GPHN: variants seen among roughly 807,000 people sequenced by gnomAD.
The protein encoded by GPHN is gephyrin.
GPHN carries 17 observed loss-of-function variants against 95.5 expected under a neutral mutation model. The observed-to-expected ratio is 0.18, with a 90% confidence interval of 0.12 to 0.27. The LOEUF (loss-of-function observed/expected upper bound fraction) is 0.27. Among genes scored for constraint, GPHN ranks in the 10% least tolerant of loss-of-function variants. GPHN has a pLI of 1.00. For synonymous variants in GPHN, 320 were observed against 322.5 expected (o/e 0.99, Z 0.08); for missense variants, 660 against 978.1 (o/e 0.67, Z 4.34).
the GPHN span, among the ~76,000 whole-genome samples, chr14:67,459,669 A>G: frequency 5.3e-5 from 8 of 152,244 alleles, no homozygotes; most frequent in Admixed American, 2.6e-4. Flanking sequence ...GGTCAGAGAC[A>G]TCACTTGGGC....
chr14:66,570,295 CTT>C (rs535461102), intron 1 of GPHN, among the ~76,000 whole-genome samples: 1,879 of 100,064 alleles, frequency 0.019, 15 homozygotes, highest in African/African-American at 0.021. Flanking sequence ...ATTTCATGTA[CTT>C]TTTTTTTTTT....
chr14:66,715,645 T>C (rs1183781768), intron 2 of GPHN, among the ~76,000 whole-genome samples: 1 of 152,170 alleles, frequency 6.6e-6, no homozygotes, highest in African/African-American at 2.4e-5. Flanking sequence ...TAGCACTGCC[T>C]TTGCTGTATT....
rs1485377044 is a variant in GPHN, at chr14:66,887,903, A to G, written c.389+7870A>G. Among the ~76,000 whole-genome samples the G allele has an allele frequency of 2.6e-5, 4 of 152,154 alleles. No homozygotes were observed. The East Asian group carries it at 7.7e-4, about 29-fold the overall frequency. On this transcript the variant is annotated intron_variant, in intron 5 of 22. Coordinates refer to ENST00000478722, the MANE Select transcript of GPHN (RefSeq NM_020806.5). ...TGGATAATGTAATCAAAGACATGAA[A>G]CTCCTAAGAACCAAAAATAAATGCT...
the GPHN span, among the ~76,000 whole-genome samples, chr14:67,667,920 G>A: frequency 1.3e-5 from 2 of 151,892 alleles, no homozygotes; most frequent in Admixed American, 6.6e-5. Flanking sequence ...CTCCAGCCTG[G>A]GTGAAAGAGC....
At chr14:67,160,675 T>C in intron 19 of GPHN, among the ~76,000 whole-genome samples, 1 of 152,168 alleles carries the variant, frequency 6.6e-6, no homozygotes, top group Non-Finnish European at 1.5e-5. Context: ...GGGACAACAG[T>C]AATGATGCTT....
At chr14:66,539,473 G>A (rs1196695507) in intron 1 of GPHN, among the ~76,000 whole-genome samples, 2 of 136,280 alleles carry the variant, frequency 1.5e-5, no homozygotes, top group African/African-American at 2.9e-5. Context: ...GGAGTGCAAT[G>A]GCGTGATCTC....
the GPHN span, chr14:67,204,637 T>C: frequency 6.2e-7 from 1 of 1,613,918 alleles, no homozygotes; most frequent in Non-Finnish European, 8.5e-7. Context: ...CTTACAGCTC[T>C]GCACCTCTGC....
intron 1 of GPHN, among the ~76,000 whole-genome samples, chr14:66,549,185 T>G (rs1188136289): frequency 6.6e-6 from 1 of 152,196 alleles, no homozygotes; most frequent in Non-Finnish European, 1.5e-5. Flanking sequence ...TATTTTAGTT[T>G]TGGGGTACAT....
At chr14:67,483,559 G>T in the GPHN span, among the ~76,000 whole-genome samples, 13 of 152,254 alleles carry the variant, frequency 8.5e-5, no homozygotes, top group Admixed American at 8.5e-4. Context: ...CCAACTGGGT[G>T]TCAGAGTTCC....
At chr14:67,466,994 C>CAAAAAA in the GPHN span, 4 of 72,866 alleles carry the variant, frequency 5.5e-5, no homozygotes, top group Non-Finnish European at 7.7e-5. Context: ...GACCCAATCT[C>CAAAAAA]AAAAAAAAAA....
At chr14:67,529,894 C>T in the GPHN span, among the ~76,000 whole-genome samples, 1 of 152,198 alleles carries the variant, frequency 6.6e-6, no homozygotes, top group African/African-American at 2.4e-5. Flanking sequence ...CCCTCTCTTC[C>T]CCTTCCAACA....
the GPHN span, chr14:67,619,830 C>T: frequency 3.5e-6 from 2 of 572,248 alleles, no homozygotes; most frequent in South Asian, 2.1e-5. Context: ...TGGTTGGAGG[C>T]GCGGGCGGCG....
rs80078079 is a variant in GPHN, at chr14:66,735,313, T to C, written c.144-41151T>C. ...TACCTTTGATGATGTCACATCTTTA[T>C]GAAGCTGGGTTTTGCACAGTTAACT... On this transcript the variant is annotated intron_variant, in intron 2 of 22. Coordinates refer to ENST00000478722, the MANE Select transcript of GPHN (RefSeq NM_020806.5). Among the ~76,000 whole-genome samples the C allele has an allele frequency of 7.2e-4, 110 of 152,272 alleles. 1 individual carries two copies. The East Asian group carries it at 0.02, about 27-fold the overall frequency.
chr14:67,446,361 G>C, the GPHN span, among the ~76,000 whole-genome samples: 1 of 152,182 alleles, frequency 6.6e-6, no homozygotes, highest in Non-Finnish European at 1.5e-5. Flanking sequence ...TCATCTCATT[G>C]AATAACTATG....
chr14:66,810,907 T>TA (rs1404376896), intron 3 of GPHN, among the ~76,000 whole-genome samples: 1 of 152,232 alleles, frequency 6.6e-6, no homozygotes, highest in Non-Finnish European at 1.5e-5. Context: ...CCTTTTCTGT[T>TA]ACCTCTGCTT....
intron 1 of GPHN, among the ~76,000 whole-genome samples, chr14:66,635,239 A>C (rs2064033641): frequency 6.6e-6 from 1 of 152,216 alleles, no homozygotes; most frequent in Non-Finnish European, 1.5e-5. Flanking sequence ...CTTAGATGTT[A>C]CACTGCCACA....
At chr14:66,951,561 T>C (rs2068112588) in intron 8 of GPHN, among the ~76,000 whole-genome samples, 1 of 150,206 alleles carries the variant, frequency 6.7e-6, no homozygotes, top group East Asian at 1.9e-4. Context: ...GCAAGCTGCT[T>C]CTAAAATTTA....
At chr14:66,826,219 T>A (rs10148975) in intron 4 of GPHN, among the ~76,000 whole-genome samples, 1 of 151,858 alleles carries the variant, frequency 6.6e-6, no homozygotes, top group Admixed American at 6.6e-5. Context: ...TGTATCCTAC[T>A]GGGCTTTCAG....
chr14:66,994,649 A>G (rs1038192705), intron 9 of GPHN, among the ~76,000 whole-genome samples: 6 of 152,196 alleles, frequency 3.9e-5, no homozygotes, highest in Non-Finnish European at 7.4e-5. Context: ...AACTGTTTTG[A>G]AAGATAAAGT....
Sources: allele counts gnomAD v4.1 joint callset (sites outside exome capture counted in the v4.1 genomes callset), GRCh38; gene constraint gnomAD v4.1.1; transcripts MANE v1.5; gene names NCBI Gene and HGNC (gene_info 2026-07-23, HGNC 2026-07-21).